Variants in JMY observed in about 807,000 individuals in gnomAD.
JMY encodes junction mediating and regulatory protein, p53 cofactor, also known as junction-mediating and -regulatory protein.
Under a neutral mutation model 103.3 loss-of-function variants are expected in JMY, and 46 were observed. The observed-to-expected ratio is 0.45, with a 90% CI of 0.35 to 0.57. JMY has a LOEUF of 0.57. Among genes scored for constraint, JMY ranks in the 20% least tolerant of loss-of-function variants. The pLI is 0.00. For missense variants in JMY, 1,238 were observed against 1,255.2 expected (o/e 0.99, Z 0.21); for synonymous variants, 526 against 489.3 (o/e 1.07, Z -0.99).
At chr5:79,270,497 T>C (rs1258293420) in intron 1 of JMY, among the ~76,000 whole-genome samples, 1 of 71,824 alleles carries the variant, frequency 1.4e-5, no homozygotes, top group African/African-American at 4.5e-5. Context: ...TTACATAAAA[T>C]ATATATTTAC....
rs572052621 is a variant in JMY at position 79,265,532 on chromosome 5, A to G, written c.1033-12378A>G. Among the ~76,000 whole-genome samples the G allele has an allele frequency of 5.9e-5, 9 of 152,290 alleles. No individual in the cohort carries two copies. In the East Asian group the frequency reaches 1.7e-3, roughly 29 times the overall value. On this transcript the variant is annotated intron_variant, in intron 1 of 10. Transcript: ENST00000396137. ...CAGACCATACTTTGAGTAGCAAGGT[A>G]CCGTCACTTTGATATGGCCATTTAG...
chr5:79,311,338 C>T (rs182138581), intron 7 of JMY, among the ~76,000 whole-genome samples: 3 of 152,056 alleles, frequency 2.0e-5, no homozygotes, highest in African/African-American at 7.2e-5. Flanking sequence ...CCTGCTCATA[C>T]TTTCTTGTTA....
chr5:79,291,081 G>A, intron 3 of JMY, 49 bp from the exon 4 acceptor site: 2 of 1,307,320 alleles, frequency 1.5e-6, no homozygotes, highest in East Asian at 2.5e-5. Flanking sequence ...AAATGCTTCA[G>A]TATTAAGTTG....
Position 79,277,834 on chromosome 5 carries a change from T to G in JMY, c.1033-76T>G, listed in dbSNP as rs751551298. ...TTAGGGTTCCGAGGTCCTGGCATGATAGGGAGAGTTCAAAGCAAGTATTTA... is the reference window on the plus strand; with the variant it reads ...TTAGGGTTCCGAGGTCCTGGCATGAGAGGGAGAGTTCAAAGCAAGTATTTA... On this transcript the variant is annotated intron_variant, in intron 1 of 10. Transcript: ENST00000396137. 6 of 1,347,122 alleles carry G rather than the reference T, an allele frequency of 4.5e-6. No homozygotes were observed. In the African/African-American group the frequency reaches 8.7e-5, roughly 20 times the overall value. The allele number at this position is 1,347,122 out of a possible 1,614,324, so 83.4% of individuals were successfully genotyped here. A position where few individuals can be genotyped will look rare whatever the true frequency, so the allele number is the denominator to read the frequency against.
At chr5:79,291,402 C>T in intron 4 of JMY, 103 bp downstream of exon 4, 7 of 954,616 alleles carry the variant, frequency 7.3e-6, no homozygotes, top group Non-Finnish European at 1.1e-5. Flanking sequence ...TGATTTTATG[C>T]CATCTTCATG....
chr5:79,307,508 T>C (rs1159452539), intron 7 of JMY, among the ~76,000 whole-genome samples: 1 of 152,088 alleles, frequency 6.6e-6, no homozygotes, highest in African/African-American at 2.4e-5. Flanking sequence ...AGATGGAGTC[T>C]TGATAGGTTG....
chr5:79,290,878 C>A (rs760850804), intron 3 of JMY, among the ~76,000 whole-genome samples: 1 of 151,948 alleles, frequency 6.6e-6, no homozygotes, highest in Non-Finnish European at 1.5e-5. Flanking sequence ...CCCAGCTACT[C>A]GGGAGGCTGA....
chr5:79,297,401 C>T (rs1464339108), intron 4 of JMY, among the ~76,000 whole-genome samples: 14 of 152,170 alleles, frequency 9.2e-5, no homozygotes, highest in Non-Finnish European at 1.5e-5. Context: ...GGAATTAGTT[C>T]TCTTTTCACC....
chr5:79,263,287 C>G (rs150427409), intron 1 of JMY, among the ~76,000 whole-genome samples: 42 of 152,236 alleles, frequency 2.8e-4, no homozygotes, highest in African/African-American at 9.4e-4. Flanking sequence ...GGCTGAGGCA[C>G]AAAATATATT....
At chr5:79,303,841 T>C (rs1243537717) in intron 6 of JMY, among the ~76,000 whole-genome samples, 2 of 151,830 alleles carry the variant, frequency 1.3e-5, no homozygotes, top group Non-Finnish European at 2.9e-5. Flanking sequence ...AGAAAAGTTG[T>C]GGGCAAGGAG....
chr5:79,320,754 C>A (rs538504060), intron 10 of JMY, among the ~76,000 whole-genome samples: 1 of 152,290 alleles, frequency 6.6e-6, no homozygotes, highest in South Asian at 2.1e-4. Flanking sequence ...TTATTTGACA[C>A]AATGTAGCCA....
chr5:79,254,708 G>A (rs988958784), intron 1 of JMY, among the ~76,000 whole-genome samples: 1 of 151,996 alleles, frequency 6.6e-6, no homozygotes, highest in African/African-American at 2.4e-5. Context: ...GGGAAGTTCT[G>A]TGTTATTATC....
intron 7 of JMY, among the ~76,000 whole-genome samples, chr5:79,310,225 G>C (rs903192856): frequency 4.0e-5 from 6 of 151,740 alleles, no homozygotes; most frequent in Non-Finnish European, 7.4e-5. Flanking sequence ...ACCACACCTG[G>C]CTAATTTTTG....
chr5:79,268,466 CTTTTTATTTAT>C (rs141200165), intron 1 of JMY, among the ~76,000 whole-genome samples: 3,151 of 151,930 alleles, frequency 0.021, 131 homozygotes, highest in African/African-American at 0.071. Flanking sequence ...TGTTGAGCAT[CTTTTTATTTAT>C]TTTTTATTTA....
rs1448042634 is a variant in JMY, at chr5:79,325,621, C to CTG, written c.*4021_*4022dup. ...GGGGTGAGAAAGTGGAAGCACCTTA[C>CTG]TGTTAGAGCATGTTGCATCTATTTA... is the stretch of plus-strand genomic sequence containing the variant. On this transcript the variant is annotated 3_prime_UTR_variant, in exon 11 of 11. Transcript: ENST00000396137. 5 of 152,148 alleles carry CTG rather than the reference C, an allele frequency of 3.3e-5. No individual in the cohort carries two copies. The highest frequency in any genetic ancestry group is 7.4e-5 in the Non-Finnish European group (5 of 68,006). The allele number at this position is 152,148 out of a possible 1,614,324, so 9.4% of individuals were successfully genotyped here.
rs1270528675 is a variant in JMY at position 79,236,959 on chromosome 5, GC to G, written c.313del (p.Arg105GlyfsTer78). ...CTGCAACTCTGGTTAGGAGCCCCGG[GC>G]CCCGGCGGAGCTCGGCCTGGGCGGA... ...ASATLVRSPG[P>X]RRSSAWAEGG... On this transcript the variant is annotated frameshift_variant, in exon 1 of 11. Coordinates refer to ENST00000396137, the MANE Select transcript of JMY (RefSeq NM_152405.5). LOFTEE classifies it high-confidence loss of function. The G allele has an allele frequency of 1.4e-6, 2 of 1,449,882 alleles. No individual in the cohort carries two copies. Among genetic ancestry groups the G allele is most frequent in the Admixed American group, 5.6e-5 (2 of 35,730 alleles). The allele number at this position is 1,449,882 out of a possible 1,614,324, so 89.8% of individuals were successfully genotyped here.
intron 1 of JMY, among the ~76,000 whole-genome samples, 180 bp from the exon 2 acceptor site, chr5:79,277,730 T>A (rs1745981881): frequency 6.6e-6 from 1 of 152,128 alleles, no homozygotes; most frequent in Non-Finnish European, 1.5e-5. Flanking sequence ...GGCCATGGTC[T>A]TGAGTAGTGA....
intron 7 of JMY, among the ~76,000 whole-genome samples, chr5:79,311,324 C>T (rs4704556): frequency 0.63 from 96,059 of 151,894 alleles, 31,327 homozygotes; most frequent in African/African-American, 0.81. Flanking sequence ...GCCACCCTTA[C>T]GTCCCTGCTC....
intron 1 of JMY, among the ~76,000 whole-genome samples, chr5:79,273,819 CTT>C (rs1446168208): frequency 6.6e-6 from 1 of 151,892 alleles, no homozygotes; most frequent in South Asian, 2.1e-4. Context: ...CTGAGGCTTT[CTT>C]TTTTGTTTTT....
Sources: gnomAD v4.1 joint callset for allele counts (sites outside exome capture counted in the v4.1 genomes callset) on GRCh38, gnomAD v4.1.1 for gene constraint, MANE v1.5 for transcripts, NCBI Gene and HGNC (gene_info 2026-07-23, HGNC 2026-07-21) for gene names.